Variants in RPN2 observed in about 807,000 individuals in gnomAD.
RPN2 encodes the protein dolichyl-diphosphooligosaccharide--protein glycosyltransferase subunit 2.
Under a neutral mutation model 71.4 loss-of-function variants are expected in RPN2, and 29 were observed. The ratio of observed to expected loss-of-function variants is 0.41; its 90% confidence interval spans 0.30 to 0.55. RPN2 has a LOEUF of 0.55. Ranked by LOEUF, RPN2 falls within the 20% of genes least tolerant of loss-of-function variation. The pLI is 0.35. For synonymous variants in RPN2, 308 were observed against 305.0 expected (o/e 1.01, Z -0.10); for missense variants, 726 against 774.1 (o/e 0.94, Z 0.74).
At chr20:37,203,571 G>A (rs1222995579) in intron 4 of RPN2, among the ~76,000 whole-genome samples, 1 of 151,978 alleles carries the variant, frequency 6.6e-6, no homozygotes, top group Non-Finnish European at 1.5e-5. Flanking sequence ...TGAACTCCTG[G>A]GCTCAAGGAA....
At chr20:37,228,432 C>A in intron 11 of RPN2, 118 bp from the exon 12 acceptor site, 1 of 977,822 alleles carries the variant, frequency 1.0e-6, no homozygotes, top group South Asian at 1.4e-5. Context: ...CTGGCAGATC[C>A]CAGAGCTCTC....
chr20:37,215,434 C>T (rs1285254686), intron 9 of RPN2, among the ~76,000 whole-genome samples: 1 of 152,198 alleles, frequency 6.6e-6, no homozygotes. Flanking sequence ...GTAGCGTATG[C>T]CTTGATCCTT....
At position 37,225,798 on chromosome 20, in the gene RPN2, A is replaced by G; in HGVS notation, c.1295A>G (p.His432Arg). 1.9e-6 allele frequency: 3 copies of G among 1,607,544 alleles called. No homozygotes were observed. Among genetic ancestry groups the G allele is most frequent in the Non-Finnish European group, 2.6e-6 (3 of 1,174,062 alleles). ...DVNTGAELTP[H>R]QTFVRLHNQK... ...AACACTGGTGCTGAACTCACTCCTC[A>G]CCAGGTCAGGAAGACACCTAGACAG... The change falls in exon 11 of 17, where the codon CAC becomes CGC. Residue 432 changes from histidine to arginine, a missense_variant. Coordinates refer to ENST00000237530, the MANE Select transcript of RPN2 (RefSeq NM_002951.5).
At chr20:37,186,190 C>G (rs1242692627) in intron 2 of RPN2, among the ~76,000 whole-genome samples, 1 of 152,178 alleles carries the variant, frequency 6.6e-6, no homozygotes, top group Non-Finnish European at 1.5e-5. Context: ...GTCAGCCCAC[C>G]TGGATAATCT....
chr20:37,232,052 AT>A (rs1255181610), intron 13 of RPN2, among the ~76,000 whole-genome samples: 1 of 152,174 alleles, frequency 6.6e-6, no homozygotes, highest in East Asian at 1.9e-4. Context: ...TTTGAAGGGA[AT>A]AAAGGGTTGG....
At chr20:37,235,200 G>A (rs1451889715) in intron 15 of RPN2, among the ~76,000 whole-genome samples, 3 of 152,242 alleles carry the variant, frequency 2.0e-5, no homozygotes, top group South Asian at 2.1e-4. Context: ...TAGTTCATCC[G>A]TCATCTGTCT....
intron 13 of RPN2, among the ~76,000 whole-genome samples, chr20:37,230,783 A>G (rs1185550221): frequency 6.6e-6 from 1 of 152,148 alleles, no homozygotes; most frequent in African/African-American, 2.4e-5. Context: ...ATTGTTTTCA[A>G]AACTCCTTTT....
intron 4 of RPN2, among the ~76,000 whole-genome samples, chr20:37,199,801 T>C (rs1190467398): frequency 6.6e-6 from 1 of 152,180 alleles, no homozygotes; most frequent in Non-Finnish European, 1.5e-5. Context: ...GGGTGTTTTT[T>C]GCTAAGCTCT....
At chr20:37,238,398 G>A in intron 16 of RPN2, 1 of 1,607,464 alleles carries the variant, frequency 6.2e-7, no homozygotes, top group Non-Finnish European at 8.5e-7. Context: ...CTTTCCTTTG[G>A]CAGGATCGCT....
At chr20:37,188,355 A>C (rs754735005) in intron 2 of RPN2, among the ~76,000 whole-genome samples, 4 of 151,866 alleles carry the variant, frequency 2.6e-5, no homozygotes, top group Admixed American at 2.6e-4. Flanking sequence ...AGGTTTCACT[A>C]TGTTGGCCAG....
At chr20:37,241,224 CT>C in intron 16 of RPN2, 78 bp from the exon 17 acceptor site, 13 of 1,543,264 alleles carry the variant, frequency 8.4e-6, no homozygotes, top group Non-Finnish European at 1.1e-5. Context: ...ACCTTAGTCT[CT>C]CTGTTGTCAC....
At position 37,185,423 on chromosome 20, in the gene RPN2, C is replaced by T. The variant is rs567999386; in HGVS notation, c.207+1050C>T. Among the ~76,000 whole-genome samples, 11 of 152,084 alleles carry T rather than the reference C, an allele frequency of 7.2e-5. No homozygotes were observed. In the South Asian group the frequency reaches 2.3e-3, roughly 32 times the overall value. ...AAGTGTTGAGATTACAGGTGTGAGC[C>T]ACCACCTGACCAGGAACAGTCTTAA... On this transcript the variant is annotated intron_variant, in intron 2 of 16. Transcript: ENST00000237530.
In RPN2 at chr20:37,230,104, G is replaced by A. The variant is rs199728233; in HGVS notation, c.1581+45G>A. On this transcript the variant is annotated intron_variant, in intron 13 of 16. Transcript: ENST00000237530. ...TCCACTAAACGTGGGAGAAGAGAGG[G>A]CAACAAAGCCCTGGACAGTGGCTCT... The A allele has an allele frequency of 3.5e-6, 5 of 1,426,252 alleles. No individual in the cohort carries two copies. The African/African-American group carries it at 4.2e-5, about 12-fold the overall frequency. The allele number at this position is 1,426,252 out of a possible 1,614,324, so 88.3% of individuals were successfully genotyped here. A position where few individuals can be genotyped will look rare whatever the true frequency, so the allele number is the denominator to read the frequency against.
chr20:37,221,792 G>A (rs772433132), intron 9 of RPN2, among the ~76,000 whole-genome samples: 1 of 152,204 alleles, frequency 6.6e-6, no homozygotes, highest in Non-Finnish European at 1.5e-5. Context: ...AGCCCATCAA[G>A]CCTCCTCCTC....
At chr20:37,228,966 G>A (rs2068159080) in intron 12 of RPN2, among the ~76,000 whole-genome samples, 1 of 55,294 alleles carries the variant, frequency 1.8e-5, no homozygotes, top group Non-Finnish European at 3.7e-5. Context: ...AGTGAGTGAA[G>A]GAAGTATAAA....
chr20:37,202,493 C>G (rs888825431), intron 4 of RPN2, among the ~76,000 whole-genome samples: 10 of 152,172 alleles, frequency 6.6e-5, no homozygotes, highest in African/African-American at 2.4e-4. Context: ...GCCCAGTCAT[C>G]TCTTAGGAAT....
At chr20:37,232,962 C>T (rs2146699298) in intron 14 of RPN2, among the ~76,000 whole-genome samples, 1 of 152,174 alleles carries the variant, frequency 6.6e-6, no homozygotes, top group East Asian at 1.9e-4. Context: ...TGCCTGTAAT[C>T]CCAGCACTTT....
At chr20:37,207,094 A>G (rs1352724442) in intron 6 of RPN2, among the ~76,000 whole-genome samples, 179 bp from the exon 7 acceptor site, 1 of 152,140 alleles carries the variant, frequency 6.6e-6, no homozygotes, top group African/African-American at 2.4e-5. Context: ...AACCACATCC[A>G]AGTTCTAAGT....
chr20:37,185,144 C>CTTT (rs540014605), intron 2 of RPN2, among the ~76,000 whole-genome samples: 3 of 136,564 alleles, frequency 2.2e-5, no homozygotes, highest in African/African-American at 8.3e-5. Flanking sequence ...TCGGGACAGT[C>CTTT]TTTTTTTTTT....
Sources: gnomAD v4.1 joint callset for allele counts (sites outside exome capture counted in the v4.1 genomes callset) on GRCh38, gnomAD v4.1.1 for gene constraint, MANE v1.5 for transcripts, NCBI Gene and HGNC (gene_info 2026-07-23, HGNC 2026-07-21) for gene names.